PHYHIPL: variants seen among roughly 807,000 people sequenced by gnomAD.
The protein encoded by PHYHIPL is phytanoyl-CoA 2-hydroxylase interacting protein like, also known as phytanoyl-CoA hydroxylase-interacting protein-like.
A neutral mutation model predicts 33.4 loss-of-function variants in PHYHIPL; 9 were observed. The ratio of observed to expected loss-of-function variants is 0.27; its 90% CI spans 0.16 to 0.47. PHYHIPL has a LOEUF of 0.47. Ranked by LOEUF, PHYHIPL falls within the 20% of genes least tolerant of loss-of-function variation. The probability of loss-of-function intolerance (pLI) is 0.99; values close to 1 mark genes in which losing one functional copy is unlikely to be tolerated. For missense variants in PHYHIPL, 365 were observed against 460.7 expected (o/e 0.79, Z 1.90); for synonymous variants, 153 against 154.1 (o/e 0.99, Z 0.05).
chr10:59,215,589 G>A (rs1055478099), intron 1 of PHYHIPL, among the ~76,000 whole-genome samples: 1 of 151,780 alleles, frequency 6.6e-6, no homozygotes, highest in African/African-American at 2.4e-5. Flanking sequence ...ACACTCTGGT[G>A]GGAAAAACAG....
chr10:59,239,800 A>G (rs1254022449), intron 4 of PHYHIPL, among the ~76,000 whole-genome samples: 2 of 152,022 alleles, frequency 1.3e-5, no homozygotes, highest in South Asian at 2.1e-4. Flanking sequence ...CAAATGCTAT[A>G]TAGGTTGTAA....
chr10:59,217,962 C>T (rs765865265), intron 1 of PHYHIPL, among the ~76,000 whole-genome samples: 3 of 151,966 alleles, frequency 2.0e-5, no homozygotes, highest in Non-Finnish European at 4.4e-5. Context: ...TCATTCATTG[C>T]TACTTTCCAG....
intron 2 of PHYHIPL, among the ~76,000 whole-genome samples, chr10:59,236,032 T>C (rs1173458629): frequency 6.6e-6 from 1 of 151,862 alleles, no homozygotes; most frequent in Non-Finnish European, 1.5e-5. Flanking sequence ...AGTTTTGTCA[T>C]TTAGTATGAG....
intron 4 of PHYHIPL, among the ~76,000 whole-genome samples, chr10:59,244,192 G>A (rs967650527): frequency 6.6e-6 from 1 of 152,088 alleles, no homozygotes; most frequent in Non-Finnish European, 1.5e-5. Context: ...TGGATTTGGG[G>A]GTGAGGTAAA....
chr10:59,185,751 C>G (rs571121515), intron 1 of PHYHIPL, among the ~76,000 whole-genome samples: 1 of 152,132 alleles, frequency 6.6e-6, no homozygotes, highest in Non-Finnish European at 1.5e-5. Flanking sequence ...CTGTTGGCTG[C>G]GTAAATGTCT....
At chr10:59,227,973 G>GATATATATATATATATATATAT (rs1564456112) in intron 1 of PHYHIPL, among the ~76,000 whole-genome samples, 1 of 104,708 alleles carries the variant, frequency 9.6e-6, no homozygotes, top group African/African-American at 5.2e-5. Context: ...TTTGCCTATT[G>GATATATATATATATATATATAT]AGATATATAT....
At chr10:59,226,672 G>T (rs780468556) in intron 1 of PHYHIPL, among the ~76,000 whole-genome samples, 4 of 152,108 alleles carry the variant, frequency 2.6e-5, no homozygotes, top group Non-Finnish European at 4.4e-5. Flanking sequence ...TTTAAAAATT[G>T]CTCTAAAATC....
intron 1 of PHYHIPL, among the ~76,000 whole-genome samples, chr10:59,194,076 A>C (rs945703055): frequency 2.2e-5 from 3 of 135,406 alleles, no homozygotes; most frequent in Non-Finnish European, 3.2e-5. Flanking sequence ...TTCTTTACCT[A>C]TATGTTTTTT....
At chr10:59,182,403 C>T (rs1292301832) in intron 1 of PHYHIPL, among the ~76,000 whole-genome samples, 1 of 152,066 alleles carries the variant, frequency 6.6e-6, no homozygotes, top group Non-Finnish European at 1.5e-5. Context: ...AATGCAGTGG[C>T]GCAGTCTTGG....
intron 1 of PHYHIPL, among the ~76,000 whole-genome samples, chr10:59,184,648 T>C (rs942597721): frequency 3.3e-5 from 5 of 152,078 alleles, no homozygotes; most frequent in Non-Finnish European, 4.4e-5. Flanking sequence ...TTAATTTTTT[T>C]TATTGTATTA....
intron 1 of PHYHIPL, among the ~76,000 whole-genome samples, chr10:59,194,952 C>A (rs975012317): frequency 1.2e-4 from 18 of 151,872 alleles, no homozygotes; most frequent in African/African-American, 4.1e-4. Flanking sequence ...GTCAATGTTT[C>A]TTTATATTTT....
At position 59,245,053 on chromosome 10, in the gene PHYHIPL, G is replaced by T. The variant is rs758507489; in HGVS notation, c.597-4G>T. ...AAGCAGTGACCACTTGTTTTCTCTT[G>T]CAGAGAACATCATGGGAATGCTATG... On this transcript the variant is annotated splice_polypyrimidine_tract_variant and splice_region_variant and intron_variant, in intron 4 of 4. Coordinates refer to ENST00000373880, the MANE Select transcript of PHYHIPL (RefSeq NM_032439.4). 6.3e-7 allele frequency: 1 copy of T among 1,599,434 alleles called. No individual in the cohort carries two copies. The highest frequency in any genetic ancestry group is 8.5e-7 in the Non-Finnish European group (1 of 1,174,404).
In PHYHIPL at chr10:59,247,531, C is replaced by T. The variant is rs987627948; in HGVS notation, c.*1940C>T. The T allele has an allele frequency of 1.0e-5, 16 of 1,573,092 alleles. 1 individual carries two copies. Among genetic ancestry groups the T allele is most frequent in the Non-Finnish European group, 1.4e-5 (16 of 1,153,098 alleles). On this transcript the variant is annotated 3_prime_UTR_variant, in exon 5 of 5. Transcript: ENST00000373880. ...TAAAGTGCTTCCATTTTCATTGTGT[C>T]AAAACTACTTAGCAAGGATGGCAGA...
chr10:59,195,219 G>T (rs1035275371), intron 1 of PHYHIPL, among the ~76,000 whole-genome samples: 1 of 152,190 alleles, frequency 6.6e-6, no homozygotes, highest in Non-Finnish European at 1.5e-5. Flanking sequence ...TTAAGAGTCT[G>T]TGAATGCATT....
At chr10:59,220,790 CT>C (rs1839748070) in intron 1 of PHYHIPL, among the ~76,000 whole-genome samples, 1 of 151,966 alleles carries the variant, frequency 6.6e-6, no homozygotes, top group African/African-American at 2.4e-5. Flanking sequence ...AAAATCTTCT[CT>C]TTTACATCAG....
rs145470616 is a variant in PHYHIPL, at chr10:59,224,456, G to GAAACGAAACA, written c.107-9844_107-9843insGAAACAAAAC. Among the ~76,000 whole-genome samples the GAAACGAAACA allele has an allele frequency of 3.6e-3, 498 of 139,898 alleles. 3 individuals carry two copies. Among genetic ancestry groups the GAAACGAAACA allele is most frequent in the Non-Finnish European group, 5.8e-3 (377 of 65,258 alleles). 91.8% of individuals were successfully genotyped at this position (139,898 alleles called of 152,430 possible). On this transcript the variant is annotated intron_variant, in intron 1 of 4. Transcript: ENST00000373880. ...GGCAAGAGTGAGACCCTGTCTCAAG[G>GAAACGAAACA]AAACAAAACAAAACAAAACAAAACA...
chr10:59,190,197 C>T (rs1348803641), intron 1 of PHYHIPL, among the ~76,000 whole-genome samples: 1 of 151,958 alleles, frequency 6.6e-6, no homozygotes, highest in Non-Finnish European at 1.5e-5. Context: ...ATATCAGCTT[C>T]AGCATCCACT....
At chr10:59,196,570 C>G (rs1396178275) in intron 1 of PHYHIPL, among the ~76,000 whole-genome samples, 5 of 151,958 alleles carry the variant, frequency 3.3e-5, no homozygotes, top group Admixed American at 6.6e-5. Context: ...AGGCACCCAC[C>G]ACCACGCCAG....
rs537747226 is a variant in PHYHIPL, at chr10:59,198,023, A to AT, written c.106+21072dup. Among the ~76,000 whole-genome samples the AT allele has an allele frequency of 5.7e-3, 861 of 151,644 alleles. 6 individuals carry two copies. Among genetic ancestry groups the AT allele is most frequent in the Middle Eastern group, 6.8e-3 (2 of 294 alleles). ...CAGGAAGATGAACTTAGATCTCTTT[A>AT]TTTTTTTTAAGTATTTCTAAAGCAG... On this transcript the variant is annotated intron_variant, in intron 1 of 4. Transcript: ENST00000373880.
Sources: gnomAD v4.1 joint callset for allele counts (sites outside exome capture counted in the v4.1 genomes callset) on GRCh38, gnomAD v4.1.1 for gene constraint, MANE v1.5 for transcripts, NCBI Gene and HGNC (gene_info 2026-07-23, HGNC 2026-07-21) for gene names.